PCDH9: variants seen among roughly 807,000 people sequenced by gnomAD.
The protein encoded by PCDH9 is protocadherin 9.
In PCDH9, 24 loss-of-function variants were observed where a neutral mutation model predicts 70.6. The observed-to-expected ratio is 0.34, with a 90% CI of 0.25 to 0.48. The LOEUF (loss-of-function observed/expected upper bound fraction) is 0.48, where lower values mean the gene tolerates loss of function less well. Ranked by LOEUF, PCDH9 falls within the 20% of genes least tolerant of loss-of-function variation. The pLI is 0.99. For missense variants in PCDH9, 1,281 were observed against 1,503.6 expected (o/e 0.85, Z 2.45); for synonymous variants, 562 against 558.5 (o/e 1.01, Z -0.09).
At position 66,813,635 on chromosome 13, in the gene PCDH9, T is replaced by G. The variant is rs976110497; in HGVS notation, c.3138+89869A>C. On this transcript the variant is annotated intron_variant, in intron 3 of 4. Coordinates refer to ENST00000377865, the MANE Select transcript of PCDH9 (RefSeq NM_203487.3). ...AATCTGAAAGAAAAAATATATCGTTTGATAATGTATTTATTTCATGGTGAC... is the reference window on the plus strand; with the variant it reads ...AATCTGAAAGAAAAAATATATCGTTGGATAATGTATTTATTTCATGGTGAC... 2.6e-5 allele frequency among the ~76,000 whole-genome samples: 4 copies of G among 152,252 alleles called. 1 individual carries two copies. The highest frequency in any genetic ancestry group is 4.1e-4 in the South Asian group (2 of 4,822).
chr13:66,624,920 A>T (rs1006908219), intron 4 of PCDH9, among the ~76,000 whole-genome samples: 2 of 151,038 alleles, frequency 1.3e-5, no homozygotes, highest in African/African-American at 4.9e-5. Flanking sequence ...GCCACTATGT[A>T]CTTAACCTTT....
At chr13:66,649,699 C>T (rs1249905181) in intron 3 of PCDH9, among the ~76,000 whole-genome samples, 1 of 151,964 alleles carries the variant, frequency 6.6e-6, no homozygotes, top group African/African-American at 2.4e-5. Context: ...TTAAACTACT[C>T]ATTTCTTGAG....
At chr13:66,962,864 C>T (rs2083371102) in intron 2 of PCDH9, among the ~76,000 whole-genome samples, 1 of 152,068 alleles carries the variant, frequency 6.6e-6, no homozygotes, top group Non-Finnish European at 1.5e-5. Context: ...GATTCAAGCA[C>T]ATTACATTTA....
In PCDH9 at chr13:66,742,201, T is replaced by C. The variant is rs1400045823; in HGVS notation, c.3139-110790A>G. 5.0e-3 allele frequency among the ~76,000 whole-genome samples: 240 copies of C among 48,054 alleles called. 5 individuals are homozygous for C. The highest frequency in any genetic ancestry group is 0.019 in the African/African-American group (232 of 12,492). 31.5% of individuals were successfully genotyped at this position (48,054 alleles called of 152,430 possible). A position where few individuals can be genotyped will look rare whatever the true frequency, so the allele number is the denominator to read the frequency against. On this transcript the variant is annotated intron_variant, in intron 3 of 4. Transcript: ENST00000377865. ...AGAAATAACGCCGCATACCTACAAC[T>C]ATCTGATCTTTGACAAACCTGAGAA... is the stretch of plus-strand genomic sequence containing the variant.
intron 4 of PCDH9, among the ~76,000 whole-genome samples, chr13:66,363,334 C>T (rs1956502092): frequency 6.6e-6 from 1 of 151,986 alleles, no homozygotes; most frequent in Admixed American, 6.6e-5. Context: ...AATATATTCT[C>T]TTGTATCTTT....
chr13:67,192,777 C>T (rs754888215), intron 2 of PCDH9, among the ~76,000 whole-genome samples: 2 of 152,154 alleles, frequency 1.3e-5, no homozygotes, highest in Non-Finnish European at 2.9e-5. Flanking sequence ...CCTTTCTTTA[C>T]ATTTACGTCC....
rs573662081 is a variant in PCDH9, at chr13:67,030,848, A to G, written c.3037-127243T>C. Among the ~76,000 whole-genome samples the G allele has an allele frequency of 2.0e-5, 3 of 152,264 alleles. No homozygotes were observed. In the East Asian group the frequency reaches 5.8e-4, roughly 29 times the overall value. On this transcript the variant is annotated intron_variant, in intron 2 of 4. Coordinates refer to ENST00000377865, the MANE Select transcript of PCDH9 (RefSeq NM_203487.3). ...TAAAGTAAAAAGTAGTAGGTATGAG[A>G]AGATCTAAAGCACCCAAACTCCTAA...
At chr13:66,947,267 T>C (rs2083103340) in intron 2 of PCDH9, among the ~76,000 whole-genome samples, 1 of 152,192 alleles carries the variant, frequency 6.6e-6, no homozygotes, top group African/African-American at 2.4e-5. Flanking sequence ...TTTCACATAG[T>C]GTTATCTAAC....
chr13:66,856,912 G>A (rs1471997500), intron 3 of PCDH9, among the ~76,000 whole-genome samples: 1 of 151,932 alleles, frequency 6.6e-6, no homozygotes, highest in East Asian at 1.9e-4. Flanking sequence ...TACCTTGTAG[G>A]TGGGGCATAC....
At chr13:66,426,822 G>A (rs768819310) in intron 4 of PCDH9, among the ~76,000 whole-genome samples, 13 of 151,028 alleles carry the variant, frequency 8.6e-5, no homozygotes, top group Non-Finnish European at 1.8e-4. Flanking sequence ...TTTTTCTTTT[G>A]TGTAAAAAAT....
intron 4 of PCDH9, among the ~76,000 whole-genome samples, chr13:66,442,698 G>T (rs1230170743): frequency 6.6e-6 from 1 of 151,604 alleles, no homozygotes; most frequent in Non-Finnish European, 1.5e-5. Flanking sequence ...AATTATTTCG[G>T]TGTGAACTTT....
chr13:66,513,019 A>G (rs1179199499), intron 4 of PCDH9, among the ~76,000 whole-genome samples: 1 of 151,946 alleles, frequency 6.6e-6, no homozygotes, highest in Non-Finnish European at 1.5e-5. Context: ...GGGTTTTGCC[A>G]TGTTCCGCAA....
chr13:66,989,042 T>A (rs575739132), intron 2 of PCDH9, among the ~76,000 whole-genome samples: 1 of 152,000 alleles, frequency 6.6e-6, no homozygotes, highest in East Asian at 1.9e-4. Flanking sequence ...ACATATACAC[T>A]AAGTGACAAC....
chr13:66,837,113 A>G (rs1276103273), intron 3 of PCDH9, among the ~76,000 whole-genome samples: 10 of 152,208 alleles, frequency 6.6e-5, no homozygotes, highest in Non-Finnish European at 1.5e-4. Flanking sequence ...GTTATAGAAC[A>G]TGCTGAATTT....
chr13:66,887,735 C>A (rs2082031091), intron 3 of PCDH9, among the ~76,000 whole-genome samples: 1 of 152,136 alleles, frequency 6.6e-6, no homozygotes, highest in South Asian at 2.1e-4. Context: ...TTATTTCACA[C>A]CATCTCTGGT....
chr13:67,100,429 C>T (rs558947598), intron 2 of PCDH9, among the ~76,000 whole-genome samples: 14 of 152,176 alleles, frequency 9.2e-5, no homozygotes. Context: ...AAAGTGCAGC[C>T]TACTGACACA....
chr13:66,976,065 AAGAT>A (rs1458083390), intron 2 of PCDH9, among the ~76,000 whole-genome samples: 1 of 152,006 alleles, frequency 6.6e-6, no homozygotes, highest in Non-Finnish European at 1.5e-5. Flanking sequence ...TTTCTGTTGA[AAGAT>A]AGGGCATGTA....
At chr13:66,832,899 CT>C in intron 3 of PCDH9, among the ~76,000 whole-genome samples, 1 of 152,226 alleles carries the variant, frequency 6.6e-6, no homozygotes, top group South Asian at 2.1e-4. Flanking sequence ...CTACTACCCC[CT>C]GTATTCCTCC....
At position 66,717,593 on chromosome 13, in the gene PCDH9, T is replaced by A. The variant is rs145119665; in HGVS notation, c.3139-86182A>T. Reference sequence around the variant, plus strand: ...TTGATTAAGGGTTTTAGAAACTCAGTGTATATACAATCTGCTCTTTAAATG... The same window carrying A: ...TTGATTAAGGGTTTTAGAAACTCAGAGTATATACAATCTGCTCTTTAAATG... On this transcript the variant is annotated intron_variant, in intron 3 of 4. Transcript: ENST00000377865. Among the ~76,000 whole-genome samples, 5 of 149,764 alleles carry A rather than the reference T, an allele frequency of 3.3e-5. No homozygotes were observed. In the East Asian group the frequency reaches 9.8e-4, roughly 29 times the overall value.
Sources: allele counts gnomAD v4.1 joint callset (sites outside exome capture counted in the v4.1 genomes callset), GRCh38; gene constraint gnomAD v4.1.1; transcripts MANE v1.5; gene names NCBI Gene and HGNC (gene_info 2026-07-23, HGNC 2026-07-21).